Variants in PDE3A observed in about 807,000 individuals in gnomAD.
PDE3A encodes cGMP-inhibited 3',5'-cyclic phosphodiesterase 3A.
Under a neutral mutation model 98.3 loss-of-function variants are expected in PDE3A, and 43 were observed. The observed-to-expected ratio is 0.44, with a 90% CI of 0.34 to 0.56. PDE3A has a LOEUF of 0.56. Ranked by LOEUF, PDE3A falls within the 20% of genes least tolerant of loss-of-function variation. The pLI is 0.01. For synonymous variants in PDE3A, 663 were observed against 567.9 expected (o/e 1.17, Z -2.38); for missense variants, 1,427 against 1,440.7 (o/e 0.99, Z 0.15).
chr12:20,635,035 T>G lies in PDE3A; in HGVS notation c.1980T>G (p.Ala660=). ...AAGCATCGGCTTGCAGCACCTATGC[T>G]CCTGAGACCATGATGTTTCTGGTAG... The part of the protein sequence containing the change: ...LRKASACSTY[A]PETMMFLDKP... The change falls in exon 8 of 16, where the codon GCT becomes GCG. Residue 660 remains alanine (A), a synonymous_variant. Coordinates refer to ENST00000359062, the MANE Select transcript of PDE3A (RefSeq NM_000921.5). 1 of 1,612,954 alleles carries G rather than the reference T, an allele frequency of 6.2e-7. No individual in the cohort carries two copies. The highest frequency in any genetic ancestry group is 8.5e-7 in the Non-Finnish European group (1 of 1,179,608).
Position 20,650,540 on chromosome 12 carries a change from T to A in PDE3A, c.2865T>A (p.Ala955=), listed in dbSNP as rs1310338669. 1 of 1,611,976 alleles carries A rather than the reference T, an allele frequency of 6.2e-7. No homozygotes were observed. The change falls in exon 14 of 16, where the codon GCT becomes GCA. Residue 955 remains alanine, a synonymous_variant. Transcript: ENST00000359062. The part of the protein sequence containing the change: ...CIKLADINGP[A]KCKELHLQWT... ...AGTTGGCTGATATCAATGGTCCAGCTAAATGTAAAGAACTCCATCTTCAGT... is the reference window on the plus strand; with the variant it reads ...AGTTGGCTGATATCAATGGTCCAGCAAAATGTAAAGAACTCCATCTTCAGT...
intron 1 of PDE3A, among the ~76,000 whole-genome samples, chr12:20,426,757 T>C (rs1426139880): frequency 2.6e-5 from 4 of 152,186 alleles, no homozygotes; most frequent in African/African-American, 7.2e-5. Context: ...TGAAAACTAA[T>C]GGGTACCAGT....
intron 1 of PDE3A, among the ~76,000 whole-genome samples, chr12:20,409,283 T>C (rs1006098586): frequency 1.3e-5 from 2 of 152,200 alleles, no homozygotes; most frequent in Non-Finnish European, 1.5e-5. Flanking sequence ...TTGAATAGGT[T>C]TTACTTTTTA....
intron 1 of PDE3A, among the ~76,000 whole-genome samples, chr12:20,471,226 C>T (rs780072773): frequency 5.9e-5 from 9 of 152,096 alleles, no homozygotes; most frequent in African/African-American, 1.2e-4. Flanking sequence ...GATTTTGTAA[C>T]GTACTCTTAG....
In PDE3A at chr12:20,400,379, G is replaced by GTTTTTTTTTTTTTTTTTT. The variant is rs75851941; in HGVS notation, c.960+30163_960+30180dup. On this transcript the variant is annotated intron_variant, in intron 1 of 15. Transcript: ENST00000359062. ...AGCTCATGTTGACTCGTTAACATTG[G>GTTTTTTTTTTTTTTTTTT]TTTTTTTTTTTTTTTTTTTTTTTTT... 1.1e-4 allele frequency among the ~76,000 whole-genome samples: 12 copies of GTTTTTTTTTTTTTTTTTT among 110,290 alleles called. 1 individual carries two copies. The highest frequency in any genetic ancestry group is 2.8e-4 in the South Asian group (1 of 3,518). 72.4% of individuals were successfully genotyped at this position (110,290 alleles called of 152,430 possible). A position where few individuals can be genotyped will look rare whatever the true frequency, so the allele number is the denominator to read the frequency against.
rs1943420108 is a variant in PDE3A at position 20,369,591 on chromosome 12, G to A, written c.307G>A (p.Ala103Thr). 10 of 1,560,226 alleles carry A rather than the reference G, an allele frequency of 6.4e-6. No homozygotes were observed. Among genetic ancestry groups the A allele is most frequent in the Non-Finnish European group, 8.7e-6 (10 of 1,153,614 alleles). ...GGCGGCGGCGGCGGAGGAGGAGGAA[G>A]CAGCCCCGGGAGCAGAAGGGGGCGT... ...KEAAAAEEEE[A>T]APGAEGGVFP... is the part of the protein sequence containing the mutation. Residue 103 changes from alanine (A) to threonine (T), a missense_variant, in exon 1 of 16, where the codon GCA becomes ACA. Transcript: ENST00000359062.
intron 1 of PDE3A, among the ~76,000 whole-genome samples, chr12:20,506,666 GTTAA>G (rs1487193753): frequency 7.2e-5 from 11 of 151,886 alleles, no homozygotes; most frequent in Non-Finnish European, 1.5e-5. Context: ...CGTTAACCTG[GTTAA>G]TTGTCTAAGA....
At chr12:20,534,533 C>T (rs1315273586) in intron 1 of PDE3A, among the ~76,000 whole-genome samples, 1 of 152,200 alleles carries the variant, frequency 6.6e-6, no homozygotes, top group East Asian at 1.9e-4. Context: ...TCCATATTCA[C>T]ATTTATACTT....
At chr12:20,433,671 T>TA (rs150981976) in intron 1 of PDE3A, among the ~76,000 whole-genome samples, 3 of 152,108 alleles carry the variant, frequency 2.0e-5, no homozygotes, top group East Asian at 1.9e-4. Context: ...ATACGTTTTT[T>TA]AAAAAAATAC....
At chr12:20,639,788 C>T (rs1381784218) in intron 9 of PDE3A, 58 bp from the exon 10 acceptor site, 3 of 771,890 alleles carry the variant, frequency 3.9e-6, no homozygotes, top group Non-Finnish European at 6.9e-6. Context: ...CACCACTGTT[C>T]TCTTTATGTC....
At chr12:20,494,536 C>T (rs867956157) in intron 1 of PDE3A, among the ~76,000 whole-genome samples, 22 of 151,452 alleles carry the variant, frequency 1.5e-4, no homozygotes, top group Admixed American at 7.3e-4. Flanking sequence ...GTATGTGTGT[C>T]TCTGTGTGTG....
chr12:20,611,507 C>T (rs1333892378), intron 2 of PDE3A, among the ~76,000 whole-genome samples: 1 of 151,736 alleles, frequency 6.6e-6, no homozygotes, highest in African/African-American at 2.4e-5. Context: ...TTCCACTTTC[C>T]ACCTGTCTGA....
chr12:20,503,272 T>C (rs1565570179), intron 1 of PDE3A, among the ~76,000 whole-genome samples: 1 of 152,102 alleles, frequency 6.6e-6, no homozygotes, highest in African/African-American at 2.4e-5. Context: ...ATTTGGTTTC[T>C]ATACTAGTTT....
In PDE3A at chr12:20,617,631, T is replaced by C. The variant is rs1273016079; in HGVS notation, c.1424+1247T>C. 6.6e-5 allele frequency among the ~76,000 whole-genome samples: 10 copies of C among 152,130 alleles called. No homozygotes were observed. In the South Asian group the frequency reaches 1.9e-3, roughly 28 times the overall value. On this transcript the variant is annotated intron_variant, in intron 4 of 15. Coordinates refer to ENST00000359062, the MANE Select transcript of PDE3A (RefSeq NM_000921.5). ...GTTAACTATTGCTTAATAAAATGAATTATGTTTTCAGCATGTATCATTAGA... is the reference window on the plus strand; with the variant it reads ...GTTAACTATTGCTTAATAAAATGAACTATGTTTTCAGCATGTATCATTAGA...
At chr12:20,375,267 A>G (rs1207193684) in intron 1 of PDE3A, among the ~76,000 whole-genome samples, 2 of 152,058 alleles carry the variant, frequency 1.3e-5, no homozygotes, top group African/African-American at 2.4e-5. Flanking sequence ...ATTCCTTTAT[A>G]TAGAAACTTG....
intron 1 of PDE3A, among the ~76,000 whole-genome samples, chr12:20,455,172 G>C (rs1945133749): frequency 6.6e-6 from 1 of 152,112 alleles, no homozygotes; most frequent in Admixed American, 6.6e-5. Flanking sequence ...GTGTGAGATG[G>C]TATCTCATTG....
Position 20,629,948 on chromosome 12 carries a change from C to G in PDE3A, c.1581C>G (p.Ser527=). ...AKISPLSSPC[S]SPLQGTPASS... is the part of the protein sequence containing the mutation. ...TTTCACCTCTTTCATCGCCCTGCTC[C>G]TCACCTCTCCAAGGGACTCCTGCCA... The change falls in exon 6 of 16, where the codon TCC becomes TCG. Residue 527 remains serine (S), a synonymous_variant. Transcript: ENST00000359062. 6.2e-7 allele frequency: 1 copy of G among 1,614,020 alleles called. No homozygotes were observed. The highest frequency in any genetic ancestry group is 8.5e-7 in the Non-Finnish European group (1 of 1,179,962).
intron 15 of PDE3A, among the ~76,000 whole-genome samples, chr12:20,668,066 CCAGT>C (rs1945366854): frequency 6.6e-6 from 1 of 152,176 alleles, no homozygotes; most frequent in Non-Finnish European, 1.5e-5. Flanking sequence ...GTTCCCTTTC[CCAGT>C]CAAAGAAAGG....
At chr12:20,388,514 G>A (rs991302472) in intron 1 of PDE3A, among the ~76,000 whole-genome samples, 2 of 152,114 alleles carry the variant, frequency 1.3e-5, no homozygotes, top group East Asian at 3.9e-4. Context: ...CTGATACATT[G>A]AGAAGAACAT....
Sources: gnomAD v4.1 joint callset for allele counts (sites outside exome capture counted in the v4.1 genomes callset) on GRCh38, gnomAD v4.1.1 for gene constraint, MANE v1.5 for transcripts, NCBI Gene and HGNC (gene_info 2026-07-23, HGNC 2026-07-21) for gene names.